MACROD2: variants seen among roughly 807,000 people sequenced by gnomAD.
MACROD2 encodes the protein ADP-ribose glycohydrolase MACROD2.
Under a neutral mutation model 70.4 loss-of-function variants are expected in MACROD2, and 36 were observed. The ratio of observed to expected loss-of-function variants is 0.51; its 90% CI spans 0.39 to 0.68. The LOEUF (loss-of-function observed/expected upper bound fraction) is 0.68. Ranked by LOEUF, MACROD2 falls within the 30% of genes least tolerant of loss-of-function variation. The probability of loss-of-function intolerance (pLI) is 0.00; values close to 1 mark genes in which losing one functional copy is unlikely to be tolerated. For synonymous variants in MACROD2, 172 were observed against 178.8 expected (o/e 0.96, Z 0.30); for missense variants, 496 against 538.4 (o/e 0.92, Z 0.78).
At chr20:14,825,306 T>C (rs1281013726) in intron 5 of MACROD2, among the ~76,000 whole-genome samples, 3 of 152,064 alleles carry the variant, frequency 2.0e-5, no homozygotes, top group Non-Finnish European at 2.9e-5. Context: ...ACAAGAAACC[T>C]GGTCCTTTGT....
intron 15 of MACROD2, among the ~76,000 whole-genome samples, chr20:15,990,804 A>G (rs2066547649): frequency 6.6e-6 from 1 of 152,144 alleles, no homozygotes. Flanking sequence ...ATTCCTGGCA[A>G]TCCTTAAACT....
At chr20:15,708,525 TGAG>T (rs1200745147) in intron 8 of MACROD2, among the ~76,000 whole-genome samples, 2 of 151,940 alleles carry the variant, frequency 1.3e-5, no homozygotes, top group East Asian at 1.9e-4. Flanking sequence ...ACAGAGCAAG[TGAG>T]GAGAAGATAG....
At chr20:15,068,401 G>C (rs1014982681) in intron 5 of MACROD2, among the ~76,000 whole-genome samples, 5 of 152,140 alleles carry the variant, frequency 3.3e-5, no homozygotes, top group Non-Finnish European at 4.4e-5. Flanking sequence ...GAAATGTTTT[G>C]TGAACAAATG....
At chr20:14,031,855 C>G (rs539278096) in intron 2 of MACROD2, among the ~76,000 whole-genome samples, 1 of 152,088 alleles carries the variant, frequency 6.6e-6, no homozygotes, top group South Asian at 2.1e-4. Flanking sequence ...AGACATTGTT[C>G]TAAGGATTAA....
chr20:14,911,526 G>A (rs1217689168), intron 5 of MACROD2, among the ~76,000 whole-genome samples: 1 of 152,026 alleles, frequency 6.6e-6, no homozygotes, highest in Non-Finnish European at 1.5e-5. Flanking sequence ...TAGAGTGCAT[G>A]CCACTATGTT....
chr20:14,212,470 C>T (rs982076833), intron 3 of MACROD2, among the ~76,000 whole-genome samples: 8 of 152,068 alleles, frequency 5.3e-5, no homozygotes, highest in Admixed American at 4.6e-4. Context: ...GAAGAGATGC[C>T]CAGCCGGTAG....
At chr20:14,211,088 A>G (rs1462082700) in intron 3 of MACROD2, among the ~76,000 whole-genome samples, 2 of 152,222 alleles carry the variant, frequency 1.3e-5, no homozygotes, top group African/African-American at 4.8e-5. Flanking sequence ...TGGTTTTACA[A>G]GATGAGGAAT....
intron 6 of MACROD2, among the ~76,000 whole-genome samples, chr20:15,299,016 C>T (rs755430402): frequency 6.6e-6 from 1 of 152,152 alleles, no homozygotes; most frequent in Admixed American, 6.5e-5. Context: ...CCATTATACA[C>T]CACCACCAAA....
At chr20:15,958,141 T>C (rs1449503903) in intron 12 of MACROD2, among the ~76,000 whole-genome samples, 2 of 152,198 alleles carry the variant, frequency 1.3e-5, no homozygotes, top group Non-Finnish European at 2.9e-5. Context: ...TTTGGAAAAT[T>C]TATCAATATA....
intron 6 of MACROD2, among the ~76,000 whole-genome samples, chr20:15,373,562 T>C (rs549118246): frequency 1.3e-5 from 2 of 151,996 alleles, no homozygotes; most frequent in African/African-American, 2.4e-5. Flanking sequence ...GTCACTGCAC[T>C]TAGTTAGTAT....
chr20:15,439,036 G>A (rs1013960216), intron 7 of MACROD2, among the ~76,000 whole-genome samples: 8 of 152,142 alleles, frequency 5.3e-5, no homozygotes, highest in Non-Finnish European at 8.8e-5. Context: ...CCCTGTCAAG[G>A]TAAAATGGAA....
intron 8 of MACROD2, among the ~76,000 whole-genome samples, chr20:15,735,891 C>A (rs1042474950): frequency 6.6e-6 from 1 of 152,078 alleles, no homozygotes; most frequent in African/African-American, 2.4e-5. Context: ...AAAGGAATAC[C>A]CCAAATTCAC....
chr20:15,503,860 A>G (rs1166484096), intron 8 of MACROD2, among the ~76,000 whole-genome samples: 1 of 152,278 alleles, frequency 6.6e-6, no homozygotes, highest in East Asian at 1.9e-4. Context: ...CCTTTAAAAA[A>G]CAAAAAAGAG....
chr20:15,281,512 C>T (rs1243359560), intron 6 of MACROD2, among the ~76,000 whole-genome samples: 1 of 152,156 alleles, frequency 6.6e-6, no homozygotes, highest in Non-Finnish European at 1.5e-5. Flanking sequence ...AAAGAGGCTA[C>T]AGGCTCCATG....
chr20:14,276,251 G>C (rs1408608540), intron 3 of MACROD2, among the ~76,000 whole-genome samples: 2 of 151,402 alleles, frequency 1.3e-5, no homozygotes, highest in African/African-American at 2.4e-5. Flanking sequence ...TGATAGACTG[G>C]ATTAAGAAAA....
rs893720314 is a variant in MACROD2, at chr20:14,644,236, A to T, written c.302-40607A>T. Among the ~76,000 whole-genome samples the T allele has an allele frequency of 2.0e-5, 3 of 152,180 alleles. No homozygotes were observed. In the South Asian group the frequency reaches 6.2e-4, roughly 31 times the overall value. ...ACAAGGCAAGGGCTTTCTTCTCATG[A>T]CAAAGAGCCTGATGTAGCTGCTTAA... On this transcript the variant is annotated intron_variant, in intron 4 of 17. Transcript: ENST00000684519.
chr20:14,433,645 C>A (rs6110288), intron 3 of MACROD2, among the ~76,000 whole-genome samples: 45,305 of 151,848 alleles, frequency 0.3, 7,859 homozygotes, highest in South Asian at 0.59. Context: ...ACTCACAAAA[C>A]AGAAAATTCC....
At chr20:15,974,890 A>G (rs2066282756) in intron 13 of MACROD2, among the ~76,000 whole-genome samples, 1 of 152,182 alleles carries the variant, frequency 6.6e-6, no homozygotes, top group Admixed American at 6.5e-5. Flanking sequence ...ATGTCAGTAT[A>G]TTGCATAAAA....
rs180917236 is a variant in MACROD2, at chr20:14,885,764, C to G, written c.418+200805C>G. Among the ~76,000 whole-genome samples, 239 of 152,304 alleles carry G rather than the reference C, an allele frequency of 1.6e-3. 2 individuals are homozygous for G. The highest frequency in any genetic ancestry group is 1.0e-3 in the Non-Finnish European group (71 of 68,034). ...TGAAATGCTCTTTCCTGTTCCTCTTCCTTCTTACCATCCTCCATTCCCTTT... is the reference window on the plus strand; with the variant it reads ...TGAAATGCTCTTTCCTGTTCCTCTTGCTTCTTACCATCCTCCATTCCCTTT... On this transcript the variant is annotated intron_variant, in intron 5 of 17. Transcript: ENST00000684519.
Sources: gnomAD v4.1 joint callset for allele counts (sites outside exome capture counted in the v4.1 genomes callset) on GRCh38, gnomAD v4.1.1 for gene constraint, MANE v1.5 for transcripts, NCBI Gene and HGNC (gene_info 2026-07-23, HGNC 2026-07-21) for gene names.